Variants in CTNNA3 observed in about 807,000 individuals in gnomAD.
CTNNA3 encodes the protein catenin alpha-3.
Under a neutral mutation model 95.7 loss-of-function variants are expected in CTNNA3, and 76 were observed. The observed-to-expected ratio is 0.79, with a 90% CI of 0.66 to 0.96. The LOEUF is 0.96. CTNNA3 is among the 40% of genes least tolerant of loss of function. The pLI, the probability that CTNNA3 is intolerant of heterozygous loss-of-function variation, is 0.00. For missense variants in CTNNA3, 1,191 were observed against 1,089.8 expected (o/e 1.09, Z -1.31); for synonymous variants, 431 against 374.4 (o/e 1.15, Z -1.74).
intron 7 of CTNNA3, among the ~76,000 whole-genome samples, chr10:67,095,892 T>A (rs1857960272): frequency 1.3e-5 from 2 of 151,912 alleles, no homozygotes; most frequent in African/African-American, 4.8e-5. Flanking sequence ...TTTAGTTATC[T>A]GGGCTATTTC....
At chr10:66,806,265 G>GTA (rs1404815267) in intron 7 of CTNNA3, among the ~76,000 whole-genome samples, 3 of 144,864 alleles carry the variant, frequency 2.1e-5, no homozygotes, top group African/African-American at 7.5e-5. Context: ...TGGTGTTTGT[G>GTA]TGTGTGTGTG....
chr10:67,710,815 A>T (rs1714482422), intron 1 of CTNNA3, among the ~76,000 whole-genome samples: 1 of 152,184 alleles, frequency 6.6e-6, no homozygotes, highest in Admixed American at 6.5e-5. Flanking sequence ...AGTGACCTGG[A>T]GAACAGGATC....
chr10:66,570,511 T>A (rs888093956), intron 10 of CTNNA3, among the ~76,000 whole-genome samples: 12 of 151,942 alleles, frequency 7.9e-5, no homozygotes, highest in African/African-American at 2.9e-4. Context: ...ATGGTCTTGA[T>A]CTCTTGACCT....
At position 65,917,549 on chromosome 10, in the gene CTNNA3, G is replaced by A. The variant is rs1412491525; in HGVS notation, c.*2781C>T. 1 of 151,510 alleles carries A rather than the reference G, an allele frequency of 6.6e-6. No individual in the cohort carries two copies. Among genetic ancestry groups the A allele is most frequent in the East Asian group, 1.9e-4 (1 of 5,150 alleles). The allele number at this position is 151,510 out of a possible 1,614,324, so 9.4% of individuals were successfully genotyped here. ...CAGGGATGGAACTGCTCCTGTGGGT[G>A]GTAAACACCCCTCTCCTCCCTCTCA... On this transcript the variant is annotated 3_prime_UTR_variant, in exon 18 of 18. Transcript: ENST00000433211.
intron 5 of CTNNA3, among the ~76,000 whole-genome samples, chr10:67,443,600 A>C (rs551597140): frequency 3.9e-5 from 6 of 152,222 alleles, no homozygotes; most frequent in African/African-American, 1.4e-4. Context: ...TCTTCTTTTG[A>C]ATAGTGTCTG....
chr10:66,479,950 TCACACACACA>T (rs71466882), intron 11 of CTNNA3, among the ~76,000 whole-genome samples: 4 of 145,364 alleles, frequency 2.8e-5, no homozygotes, highest in Admixed American at 6.8e-5. Context: ...ACCAAAGCAT[TCACACACACA>T]CACACACACA....
At chr10:66,028,442 G>T (rs1412667301) in intron 15 of CTNNA3, among the ~76,000 whole-genome samples, 5 of 152,144 alleles carry the variant, frequency 3.3e-5, no homozygotes, top group African/African-American at 1.2e-4. Context: ...CATGTCCTTT[G>T]TAAGGACATA....
At chr10:66,454,847 G>A (rs2093485932) in intron 11 of CTNNA3, among the ~76,000 whole-genome samples, 1 of 146,730 alleles carries the variant, frequency 6.8e-6, no homozygotes. Context: ...GGAAGAAAGG[G>A]GGAAAAGGCG....
intron 2 of CTNNA3, among the ~76,000 whole-genome samples, chr10:67,633,248 T>C (rs1839204133): frequency 1.3e-5 from 2 of 152,072 alleles, no homozygotes; most frequent in Admixed American, 1.3e-4. Context: ...GATGGAGCTC[T>C]CAGGAGGAGG....
chr10:66,896,419 G>T (rs1231473140), intron 7 of CTNNA3, among the ~76,000 whole-genome samples: 1 of 152,130 alleles, frequency 6.6e-6, no homozygotes, highest in Non-Finnish European at 1.5e-5. Flanking sequence ...TTGGGCCACA[G>T]CTTTGTTTGT....
chr10:66,875,492 G>T (rs961973048), intron 7 of CTNNA3, among the ~76,000 whole-genome samples: 5 of 151,828 alleles, frequency 3.3e-5, no homozygotes, highest in African/African-American at 1.2e-4. Context: ...AATGGCATAA[G>T]AAAAGTGATC....
intron 5 of CTNNA3, among the ~76,000 whole-genome samples, chr10:67,378,632 A>T (rs1843790567): frequency 6.6e-6 from 1 of 152,130 alleles, no homozygotes; most frequent in South Asian, 2.1e-4. Flanking sequence ...TCCCTCATCC[A>T]CGTATGACTT....
intron 5 of CTNNA3, among the ~76,000 whole-genome samples, chr10:67,238,260 A>G (rs1200657821): frequency 6.6e-6 from 1 of 152,176 alleles, no homozygotes; most frequent in Non-Finnish European, 1.5e-5. Flanking sequence ...GTTGGGAGCT[A>G]AAGCCATGTG....
At chr10:67,383,718 A>C (rs1378639124) in intron 5 of CTNNA3, among the ~76,000 whole-genome samples, 3 of 152,196 alleles carry the variant, frequency 2.0e-5, no homozygotes, top group African/African-American at 7.2e-5. Context: ...ATATAGAATG[A>C]GTCAGTAGAT....
chr10:66,269,261 C>T (rs908906512), intron 13 of CTNNA3, among the ~76,000 whole-genome samples: 40 of 152,222 alleles, frequency 2.6e-4, no homozygotes, highest in Admixed American at 2.6e-4. Flanking sequence ...TCCTTGAAGA[C>T]GGAGGCAAAC....
intron 5 of CTNNA3, among the ~76,000 whole-genome samples, chr10:67,229,207 A>G (rs1034024019): frequency 6.6e-6 from 1 of 152,344 alleles, no homozygotes. Context: ...AACAGAATTA[A>G]AAACAAAAAT....
Position 66,561,814 on chromosome 10 carries a change from CA to C in CTNNA3, c.1375-41042del, listed in dbSNP as rs569552599. Among the ~76,000 whole-genome samples the C allele has an allele frequency of 1.1e-3, 166 of 152,186 alleles. 1 individual carries two copies. The highest frequency in any genetic ancestry group is 6.8e-3 in the Middle Eastern group (2 of 294). On this transcript the variant is annotated intron_variant, in intron 10 of 17. Coordinates refer to ENST00000433211, the MANE Select transcript of CTNNA3 (RefSeq NM_013266.4). Reference sequence around the variant, plus strand: ...GGATTTATGAGAATAGGGATTTTTACACCCATTTTTTTGTTGTTTGCATGAT... The same window carrying C: ...GGATTTATGAGAATAGGGATTTTTACCCCATTTTTTTGTTGTTTGCATGAT...
At position 67,467,472 on chromosome 10, in the gene CTNNA3, T is replaced by A. The variant is rs867878720; in HGVS notation, c.579+54370A>T. On this transcript the variant is annotated intron_variant, in intron 5 of 17. Coordinates refer to ENST00000433211, the MANE Select transcript of CTNNA3 (RefSeq NM_013266.4). ...CATGCCATTCAAATATTGCTTTTTT[T>A]AAAAAAAAATCCTTTATTATCTACC... Among the ~76,000 whole-genome samples the A allele has an allele frequency of 6.6e-3, 998 of 151,522 alleles. 8 individuals are homozygous for A. Among genetic ancestry groups the A allele is most frequent in the Middle Eastern group, 0.031 (9 of 294 alleles).
At chr10:66,587,694 A>C (rs1427335793) in intron 10 of CTNNA3, among the ~76,000 whole-genome samples, 1 of 152,158 alleles carries the variant, frequency 6.6e-6, no homozygotes, top group African/African-American at 2.4e-5. Flanking sequence ...AGTAAGCCCC[A>C]CTCAGCTCCC....
Sources: gnomAD v4.1 joint callset for allele counts (sites outside exome capture counted in the v4.1 genomes callset) on GRCh38, gnomAD v4.1.1 for gene constraint, MANE v1.5 for transcripts, NCBI Gene and HGNC (gene_info 2026-07-23, HGNC 2026-07-21) for gene names.